Variants in RASSF8 observed in about 807,000 individuals in gnomAD.
RASSF8 encodes Ras association domain family member 8.
A neutral mutation model predicts 48.5 loss-of-function variants in RASSF8; 22 were observed. That is an observed-to-expected ratio of 0.45 (90% CI 0.32 to 0.65). The LOEUF is 0.65. RASSF8 is among the 30% of genes least tolerant of loss of function. The pLI, the probability that RASSF8 is intolerant of heterozygous loss-of-function variation, is 0.03. For synonymous variants in RASSF8, 127 were observed against 171.5 expected (o/e 0.74, Z 2.03); for missense variants, 418 against 489.2 (o/e 0.85, Z 1.37).
intron 2 of RASSF8, among the ~76,000 whole-genome samples, chr12:25,997,393 T>C (rs1942157930): frequency 6.6e-6 from 1 of 152,172 alleles, no homozygotes; most frequent in Non-Finnish European, 1.5e-5. Context: ...ATGGCAGTAA[T>C]GTACTGTGCC....
rs573759183 is a variant in RASSF8 at position 26,071,230 on chromosome 12, A to G, written c.*2412A>G. 1.3e-4 allele frequency: 130 copies of G among 982,236 alleles called. No individual in the cohort carries two copies. The African/African-American group carries it at 2.0e-3, about 15-fold the overall frequency. 60.8% of individuals were successfully genotyped at this position (982,236 alleles called of 1,614,324 possible). On this transcript the variant is annotated 3_prime_UTR_variant, in exon 6 of 6. Transcript: ENST00000689635. ...TAGGATCATCTGAAGATACTTTAGT[A>G]TATTTGTGATCATTTTTATCTATTG...
chr12:25,971,445 TC>T (rs1941481952), intron 1 of RASSF8, among the ~76,000 whole-genome samples: 1 of 152,328 alleles, frequency 6.6e-6, no homozygotes, highest in East Asian at 1.9e-4. Context: ...TTGGCACTGA[TC>T]ATCCTGTTGC....
Position 26,068,675 on chromosome 12 carries a change from GCT to G in RASSF8, c.1139-17_1139-16del, listed in dbSNP as rs765301679. The stretch of plus-strand genomic sequence containing the variant: ...TCCAAGTTGACGAGCTCATCAGGTG[GCT>G]CTCTTTGTTTCCTGTTTAGAGGCAC... On this transcript the variant is annotated intron_variant, in intron 5 of 5. Transcript: ENST00000689635. The G allele has an allele frequency of 1.6e-4, 236 of 1,515,242 alleles. 4 individuals carry two copies. The South Asian group carries it at 2.4e-3, about 15-fold the overall frequency. 93.9% of individuals were successfully genotyped at this position (1,515,242 alleles called of 1,614,324 possible).
intron 2 of RASSF8, among the ~76,000 whole-genome samples, chr12:26,008,573 T>C (rs1277253639): frequency 6.6e-6 from 1 of 152,234 alleles, no homozygotes; most frequent in Non-Finnish European, 1.5e-5. Context: ...CATTTGAGTG[T>C]ATACTCTAAA....
In RASSF8 at chr12:25,958,739, A is replaced by ACGCCCGCGCTCGTCCGG. The variant is rs1390323344; in HGVS notation, c.-606_-590dup. 4.2e-5 allele frequency among the ~76,000 whole-genome samples: 6 copies of ACGCCCGCGCTCGTCCGG among 143,542 alleles called. No homozygotes were observed. In the East Asian group the frequency reaches 8.5e-4, roughly 20 times the overall value. The allele number at this position is 143,542 out of a possible 152,430, so 94.2% of individuals were successfully genotyped here. A position where few individuals can be genotyped will look rare whatever the true frequency, so the allele number is the denominator to read the frequency against. On this transcript the variant is annotated 5_prime_UTR_variant, in exon 1 of 6. Coordinates refer to ENST00000689635, the MANE Select transcript of RASSF8 (RefSeq NM_001394098.1). ...CGACTCCTACGCCCGCGCTCCTCCT[A>ACGCCCGCGCTCGTCCGG]CGCCCGCGCTCGTCCGGCGCCCCGC...
intron 1 of RASSF8, among the ~76,000 whole-genome samples, chr12:25,981,531 T>G (rs115825458): frequency 0.045 from 6,842 of 152,290 alleles, 182 homozygotes; most frequent in Middle Eastern, 0.092. Context: ...TTCAGGTGCT[T>G]CTGCCATACA....
At chr12:25,977,764 AC>A (rs1476179991) in intron 1 of RASSF8, among the ~76,000 whole-genome samples, 1 of 152,206 alleles carries the variant, frequency 6.6e-6, no homozygotes, top group African/African-American at 2.4e-5. Flanking sequence ...ATTGAGAACA[AC>A]ACGGTTGTAA....
chr12:25,992,915 G>A (rs771435378), intron 1 of RASSF8, among the ~76,000 whole-genome samples: 1 of 152,194 alleles, frequency 6.6e-6, no homozygotes, highest in Non-Finnish European at 1.5e-5. Context: ...CTTTTTTGTG[G>A]AGACTTTCAA....
At chr12:25,960,603 T>C (rs1941208099) in intron 1 of RASSF8, among the ~76,000 whole-genome samples, 1 of 152,210 alleles carries the variant, frequency 6.6e-6, no homozygotes, top group African/African-American at 2.4e-5. Context: ...TATTCAAGGA[T>C]CAAGTACAAC....
chr12:26,049,000 CG>C (rs1943434228), intron 2 of RASSF8, among the ~76,000 whole-genome samples: 1 of 152,114 alleles, frequency 6.6e-6, no homozygotes, highest in Non-Finnish European at 1.5e-5. Context: ...TCAGGTGATC[CG>C]CCTACCTTGG....
chr12:26,048,477 T>C (rs1943420111), intron 2 of RASSF8, among the ~76,000 whole-genome samples: 1 of 152,170 alleles, frequency 6.6e-6, no homozygotes, highest in Admixed American at 6.5e-5. Flanking sequence ...AATGGTGGAT[T>C]CCAGTTAGAG....
At chr12:25,991,906 T>C (rs147971881) in intron 1 of RASSF8, among the ~76,000 whole-genome samples, 22 of 152,348 alleles carry the variant, frequency 1.4e-4, no homozygotes, top group African/African-American at 5.3e-4. Flanking sequence ...CCAATTAATG[T>C]TTGAATCACG....
intron 4 of RASSF8, among the ~76,000 whole-genome samples, chr12:26,067,119 A>G (rs1943892235): frequency 6.6e-6 from 1 of 152,240 alleles, no homozygotes; most frequent in South Asian, 2.1e-4. Flanking sequence ...ATAAGTTAAT[A>G]TGAAGTGGTT....
intron 1 of RASSF8, among the ~76,000 whole-genome samples, chr12:25,983,568 T>G (rs1223401152): frequency 6.6e-6 from 1 of 152,190 alleles, no homozygotes; most frequent in African/African-American, 2.4e-5. Flanking sequence ...CCAGGAAATT[T>G]TATAAACTGC....
intron 2 of RASSF8, among the ~76,000 whole-genome samples, chr12:26,006,060 GAC>G (rs142505170): frequency 8.6e-5 from 13 of 150,734 alleles, no homozygotes; most frequent in Non-Finnish European, 1.3e-4. Context: ...TATGTGCACA[GAC>G]ACACACACAC....
chr12:25,995,617 A>G (rs942584777), intron 2 of RASSF8, among the ~76,000 whole-genome samples: 4 of 152,080 alleles, frequency 2.6e-5, no homozygotes, highest in Admixed American at 1.3e-4. Context: ...TTGTGTTTCC[A>G]TTTTTTAAAT....
intron 2 of RASSF8, among the ~76,000 whole-genome samples, chr12:26,037,955 G>A (rs997996560): frequency 6.6e-6 from 1 of 152,206 alleles, no homozygotes; most frequent in African/African-American, 2.4e-5. Flanking sequence ...TATTAACCAA[G>A]GCCAGCTCAA....
chr12:25,970,964 A>C (rs1184831541), intron 1 of RASSF8, among the ~76,000 whole-genome samples: 1 of 152,200 alleles, frequency 6.6e-6, no homozygotes, highest in Non-Finnish European at 1.5e-5. Flanking sequence ...TCACTCCCTT[A>C]GGAGGTGATC....
intron 1 of RASSF8, among the ~76,000 whole-genome samples, chr12:25,985,443 A>G (rs1410359208): frequency 3.9e-5 from 6 of 152,144 alleles, no homozygotes; most frequent in Non-Finnish European, 8.8e-5. Flanking sequence ...GGTGCCTTTC[A>G]GAGACTATCG....
Sources: allele counts gnomAD v4.1 joint callset (sites outside exome capture counted in the v4.1 genomes callset), GRCh38; gene constraint gnomAD v4.1.1; transcripts MANE v1.5; gene names NCBI Gene and HGNC (gene_info 2026-07-23, HGNC 2026-07-21).